Variants in CSMD1 observed in about 807,000 individuals in gnomAD.
The protein encoded by CSMD1 is CUB and Sushi multiple domains 1, also known as CUB and sushi domain-containing protein 1.
In CSMD1, 213 loss-of-function variants were observed where a neutral mutation model predicts 417.5. That is an observed-to-expected ratio of 0.51 (90% CI 0.46 to 0.57). The LOEUF (loss-of-function observed/expected upper bound fraction) is 0.57, where lower values mean the gene tolerates loss of function less well. Among genes scored for constraint, CSMD1 ranks in the 20% least tolerant of loss-of-function variants. The pLI is 0.00. For missense variants in CSMD1, 6,923 were observed against 4,529.7 expected (o/e 1.53, Z -15.17); for synonymous variants, 2,862 against 1,736.8 (o/e 1.65, Z -16.11).
At chr8:4,745,361 T>C (rs991786624) in intron 1 of CSMD1, among the ~76,000 whole-genome samples, 7 of 152,300 alleles carry the variant, frequency 4.6e-5, no homozygotes, top group African/African-American at 1.2e-4. Context: ...TAGTTACAAA[T>C]GATTTAGTAA....
chr8:4,783,815 C>A (rs112310403), intron 1 of CSMD1, among the ~76,000 whole-genome samples: 4 of 152,178 alleles, frequency 2.6e-5, no homozygotes, highest in Non-Finnish European at 4.4e-5. Flanking sequence ...AGGCATCAAC[C>A]AGCCTAAGGA....
intron 2 of CSMD1, among the ~76,000 whole-genome samples, chr8:4,485,214 T>A (rs968043216): frequency 6.6e-6 from 1 of 152,126 alleles, no homozygotes; most frequent in African/African-American, 2.4e-5. Flanking sequence ...ACCTCTAGGA[T>A]CCTACTTTTC....
intron 2 of CSMD1, among the ~76,000 whole-genome samples, chr8:4,583,894 G>C (rs1008671387): frequency 1.3e-5 from 2 of 152,060 alleles, no homozygotes; most frequent in Non-Finnish European, 2.9e-5. Context: ...TCTTGCTGCT[G>C]CTCACTCTTT....
intron 1 of CSMD1, among the ~76,000 whole-genome samples, chr8:4,897,996 C>T (rs1342451191): frequency 1.3e-5 from 2 of 151,994 alleles, no homozygotes; most frequent in East Asian, 3.9e-4. Flanking sequence ...TTTCTTTTAG[C>T]TCTGTACTGG....
intron 2 of CSMD1, among the ~76,000 whole-genome samples, chr8:4,427,673 T>C (rs1049003184): frequency 1.3e-5 from 2 of 152,174 alleles, no homozygotes; most frequent in African/African-American, 4.8e-5. Flanking sequence ...CCTCAGAAAA[T>C]AGTACCTATT....
chr8:4,593,236 A>G (rs1800077904), intron 2 of CSMD1, among the ~76,000 whole-genome samples: 1 of 152,146 alleles, frequency 6.6e-6, no homozygotes, highest in Admixed American at 6.5e-5. Flanking sequence ...AAGCAAGGTT[A>G]ATGGAATTTC....
intron 8 of CSMD1, among the ~76,000 whole-genome samples, chr8:3,600,848 T>C (rs1197465888): frequency 1.3e-5 from 2 of 152,202 alleles, no homozygotes; most frequent in Non-Finnish European, 2.9e-5. Flanking sequence ...TTTTGCAATA[T>C]TGCAAACACA....
intron 3 of CSMD1, among the ~76,000 whole-genome samples, chr8:4,056,568 G>A (rs1033847081): frequency 1.3e-5 from 2 of 150,088 alleles, no homozygotes; most frequent in African/African-American, 2.5e-5. Flanking sequence ...AAGTTTTAGG[G>A]TACATGTGCA....
intron 23 of CSMD1, among the ~76,000 whole-genome samples, chr8:3,314,049 T>G (rs1401170779): frequency 1.3e-5 from 2 of 151,448 alleles, no homozygotes; most frequent in Non-Finnish European, 2.9e-5. Context: ...ATGTTCTCAC[T>G]CATAGGTGGG....
In CSMD1 at chr8:4,666,690, T is replaced by G. The variant is rs376699041; in HGVS notation, c.86-29132A>C. On this transcript the variant is annotated intron_variant, in intron 1 of 69. Transcript: ENST00000635120. Reference sequence around the variant, plus strand: ...GTAATTAAACAAAGTGTCCAAATATTTTTTATTTTAAAATGTGCTGTTTTC... The same window carrying G: ...GTAATTAAACAAAGTGTCCAAATATGTTTTATTTTAAAATGTGCTGTTTTC... Among the ~76,000 whole-genome samples the G allele has an allele frequency of 2.0e-5, 3 of 152,174 alleles. No individual in the cohort carries two copies. The South Asian group carries it at 6.2e-4, about 31-fold the overall frequency.
At chr8:3,051,644 G>A (rs978854593) in intron 50 of CSMD1, among the ~76,000 whole-genome samples, 1 of 152,002 alleles carries the variant, frequency 6.6e-6, no homozygotes, top group African/African-American at 2.4e-5. Flanking sequence ...GACATGTAAA[G>A]ACATACATGA....
chr8:4,110,286 A>T (rs1230076610), intron 3 of CSMD1, among the ~76,000 whole-genome samples: 4 of 152,174 alleles, frequency 2.6e-5, no homozygotes, highest in Non-Finnish European at 1.5e-5. Context: ...GTGAGAAGCA[A>T]TTTTAATTTA....
intron 1 of CSMD1, among the ~76,000 whole-genome samples, chr8:4,734,861 T>C (rs1810127290): frequency 6.6e-6 from 1 of 152,178 alleles, no homozygotes. Context: ...TGGTGAAGAT[T>C]CCATGTGTGT....
At chr8:3,829,418 G>C (rs1259726544) in intron 5 of CSMD1, among the ~76,000 whole-genome samples, 2 of 152,122 alleles carry the variant, frequency 1.3e-5, no homozygotes, top group Non-Finnish European at 2.9e-5. Flanking sequence ...GTCAGAATGA[G>C]ATAAGTCAAT....
intron 3 of CSMD1, among the ~76,000 whole-genome samples, chr8:4,250,172 C>G (rs562627191): frequency 6.6e-6 from 1 of 152,150 alleles, no homozygotes; most frequent in Non-Finnish European, 1.5e-5. Context: ...AACTGTGAAC[C>G]AATACATTTC....
chr8:4,401,809 C>T (rs1400737528), intron 3 of CSMD1, among the ~76,000 whole-genome samples: 1 of 152,100 alleles, frequency 6.6e-6, no homozygotes, highest in Non-Finnish European at 1.5e-5. Flanking sequence ...TCTCACTCAC[C>T]CCTCCGTTCC....
chr8:4,032,748 T>C (rs560416899), intron 3 of CSMD1, among the ~76,000 whole-genome samples: 1 of 152,176 alleles, frequency 6.6e-6, no homozygotes, highest in Non-Finnish European at 1.5e-5. Flanking sequence ...GTGCTAAGTT[T>C]TGACAACAGA....
At chr8:4,256,857 T>C (rs1033688216) in intron 3 of CSMD1, among the ~76,000 whole-genome samples, 1 of 152,176 alleles carries the variant, frequency 6.6e-6, no homozygotes, top group African/African-American at 2.4e-5. Context: ...AGAGTCACCA[T>C]CGCATAAAGG....
intron 48 of CSMD1, among the ~76,000 whole-genome samples, chr8:3,088,182 A>G (rs2129006636): frequency 6.6e-6 from 1 of 152,344 alleles, no homozygotes; most frequent in South Asian, 2.1e-4. Context: ...TTTTACCCAC[A>G]CAGAATGTCA....
Sources: gnomAD v4.1 joint callset for allele counts (sites outside exome capture counted in the v4.1 genomes callset) on GRCh38, gnomAD v4.1.1 for gene constraint, MANE v1.5 for transcripts, NCBI Gene and HGNC (gene_info 2026-07-23, HGNC 2026-07-21) for gene names.